RAP1GAP: variants seen among roughly 807,000 people sequenced by gnomAD.
RAP1GAP encodes rap1 GTPase-activating protein 1.
In RAP1GAP, 35 loss-of-function variants were observed where a neutral mutation model predicts 87.2. The observed-to-expected ratio is 0.40, with a 90% confidence interval of 0.31 to 0.53. The LOEUF is 0.53. Among genes scored for constraint, RAP1GAP ranks in the 20% least tolerant of loss-of-function variants. RAP1GAP has a pLI of 0.48. For missense variants in RAP1GAP, 734 were observed against 898.9 expected, an observed-to-expected ratio of 0.82 and a Z score of 2.35; for synonymous variants, 375 against 363.9, an observed-to-expected ratio of 1.03 and a Z score of -0.35.
chr1:21,611,885 G>A (rs748264261), intron 11 of RAP1GAP, 69 bp from the exon 12 acceptor site: 43 of 1,524,182 alleles, frequency 2.8e-5, no homozygotes, highest in Non-Finnish European at 3.8e-5. Flanking sequence ...TCCCTACTTG[G>A]ACCCAGAGAG....
rs766072420 is a variant in RAP1GAP at position 21,618,987 on chromosome 1, C to G, written c.66+38G>C. 4.5e-6 allele frequency: 7 copies of G among 1,567,246 alleles called. No homozygotes were observed. The East Asian group carries it at 1.4e-4, about 31-fold the overall frequency. ...GGCAGCACTTCCCGGACCCCCTCCACCCCCTAGAGAGGGAGGCAGACTGCC... is the reference window on the plus strand; with the variant it reads ...GGCAGCACTTCCCGGACCCCCTCCAGCCCCTAGAGAGGGAGGCAGACTGCC... On this transcript the variant is annotated intron_variant, in intron 5 of 24. Coordinates refer to ENST00000374765, the MANE Select transcript of RAP1GAP (RefSeq NM_002885.4).
chr1:21,629,997 T>C (rs1037662628), intron 2 of RAP1GAP, among the ~76,000 whole-genome samples: 2 of 152,160 alleles, frequency 1.3e-5, no homozygotes, highest in African/African-American at 4.8e-5. Flanking sequence ...GGAAAGGTAA[T>C]AGTAACAACA....
At position 21,602,883 on chromosome 1, in the gene RAP1GAP, T is replaced by C. The variant is rs532887545; in HGVS notation, c.1459A>G (p.Arg487Gly). 3 of 1,610,280 alleles carry C rather than the reference T, an allele frequency of 1.9e-6. No homozygotes were observed. Among genetic ancestry groups the C allele is most frequent in the African/African-American group, 1.3e-5 (1 of 75,038 alleles). The change falls in exon 19 of 25, where the codon AGG becomes GGG. Residue 487 changes from arginine (R) to glycine (G), a missense_variant. By Grantham distance (125) the Arg-to-Gly change is moderately radical. Coordinates refer to ENST00000374765, the MANE Select transcript of RAP1GAP (RefSeq NM_002885.4). ...GAGCCGAACGGGCCCGACTTCTTCC[T>C]CGTGGGGCTCTTCCCAGGGACAATC... ...SLIVPGKSPTRKKSGPFGSRR... is the reference protein window; with the variant it reads ...SLIVPGKSPTGKKSGPFGSRR...
In RAP1GAP at chr1:21,603,298, C is replaced by T. The variant is rs932297967; in HGVS notation, c.1429-385G>A. 3.6e-5 allele frequency: 14 copies of T among 385,020 alleles called. 1 individual carries two copies. The highest frequency in any genetic ancestry group is 3.1e-4 in the South Asian group (7 of 22,360). 23.9% of individuals were successfully genotyped at this position (385,020 alleles called of 1,614,324 possible). ...CAGTGTAGCAACCCAAGTCCCACCC[C>T]GTGCCAGCTAGGGCCCCTCCCCGGA... On this transcript the variant is annotated intron_variant, in intron 18 of 24. Transcript: ENST00000374765. This position sits in a 1 kb window ranked among gnomAD's most constrained non-coding sequence, Gnocchi z 6.0.
At chr1:21,657,119 G>A (rs1357988762) in intron 1 of RAP1GAP, among the ~76,000 whole-genome samples, 1 of 152,232 alleles carries the variant, frequency 6.6e-6, no homozygotes, top group Non-Finnish European at 1.5e-5. Context: ...ACCGTGCCAC[G>A]CACATGCAAA....
At chr1:21,626,863 C>T (rs2150307433) in intron 2 of RAP1GAP, 1 of 456,650 alleles carries the variant, frequency 2.2e-6, no homozygotes, top group Non-Finnish European at 4.4e-6. Flanking sequence ...TTGGGCCTAC[C>T]ACATGCCAGG....
intron 16 of RAP1GAP, 100 bp from the exon 17 acceptor site, chr1:21,608,450 C>T: frequency 6.8e-7 from 1 of 1,477,200 alleles, no homozygotes; most frequent in South Asian, 1.3e-5. Context: ...GCCACCTTCT[C>T]TGAATGAGTG....
intron 18 of RAP1GAP, among the ~76,000 whole-genome samples, chr1:21,604,896 G>GGTGGATGGATGGGTGGATGT (rs2072987399): frequency 6.8e-6 from 1 of 146,738 alleles, no homozygotes; most frequent in African/African-American, 2.5e-5. Context: ...TGGGTGGATG[G>GGTGGATGGATGGGTGGATGT]GTGGGTGGAT....
chr1:21,606,205 G>T lies in RAP1GAP; in HGVS notation c.1297-8C>A. 3 of 1,574,752 alleles carry T rather than the reference G, an allele frequency of 1.9e-6. No individual in the cohort carries two copies. Among genetic ancestry groups the T allele is most frequent in the Non-Finnish European group, 1.7e-6 (2 of 1,162,002 alleles). ...GCGGCTCCGGATGACCCGCTGTGAA[G>T]GGGGTGGCAGTGGAGGAGGCACAGG... On this transcript the variant is annotated splice_polypyrimidine_tract_variant and splice_region_variant and intron_variant, in intron 17 of 24. Coordinates refer to ENST00000374765, the MANE Select transcript of RAP1GAP (RefSeq NM_002885.4).
At chr1:21,626,007 C>T (rs771653657) in intron 3 of RAP1GAP, among the ~76,000 whole-genome samples, 2 of 152,256 alleles carry the variant, frequency 1.3e-5, no homozygotes, top group South Asian at 2.1e-4. Flanking sequence ...CTGATGGTGA[C>T]GTTGATTGTG....
At chr1:21,625,921 C>G (rs547977517) in intron 3 of RAP1GAP, among the ~76,000 whole-genome samples, 1 of 152,298 alleles carries the variant, frequency 6.6e-6, no homozygotes, top group Non-Finnish European at 1.5e-5. Flanking sequence ...GCCGCCCTGT[C>G]TGTACTTTGC....
Position 21,620,052 on chromosome 1 carries a change from T to C in RAP1GAP, c.-18-2A>G. 3.1e-6 allele frequency: 5 copies of C among 1,613,880 alleles called. No individual in the cohort carries two copies. Among genetic ancestry groups the C allele is most frequent in the Non-Finnish European group, 4.2e-6 (5 of 1,179,912 alleles). Reference sequence around the variant, plus strand: ...AATCATCTCAAATAGATCTGTGTTCTGCAACAGAGACAGGGGAGAGCGAGG... The same window carrying C: ...AATCATCTCAAATAGATCTGTGTTCCGCAACAGAGACAGGGGAGAGCGAGG... On this transcript the variant is annotated splice_acceptor_variant, in intron 3 of 24. Coordinates refer to ENST00000374765, the MANE Select transcript of RAP1GAP (RefSeq NM_002885.4). LOFTEE classifies it low-confidence loss of function (5UTR_SPLICE).
chr1:21,628,286 C>T (rs1415673876), intron 2 of RAP1GAP, among the ~76,000 whole-genome samples: 3 of 151,692 alleles, frequency 2.0e-5, no homozygotes, highest in African/African-American at 7.3e-5. Flanking sequence ...GGCGTGATGG[C>T]TCACACCTGT....
chr1:21,651,674 C>G lies in RAP1GAP; in HGVS notation c.-148-1878G>C, dbSNP rs1394948964. ...CTCAGCCCCCACAGCAGTCATAGCC[C>G]AGGCCCACCCGCCCAAACGCGAGCA... On this transcript the variant is annotated intron_variant, in intron 1 of 24. Transcript: ENST00000374765. 50 of 1,192,214 alleles carry G rather than the reference C, an allele frequency of 4.2e-5. 1 individual carries two copies. The highest frequency in any genetic ancestry group is 5.6e-5 in the Non-Finnish European group (47 of 833,688). 73.9% of individuals were successfully genotyped at this position (1,192,214 alleles called of 1,614,324 possible). A position where few individuals can be genotyped will look rare whatever the true frequency, so the allele number is the denominator to read the frequency against.
rs1272896687 is a variant in RAP1GAP, at chr1:21,596,328, G to A, written c.*971C>T. The A allele has an allele frequency of 6.6e-6, 1 of 152,264 alleles. No homozygotes were observed. Among genetic ancestry groups the A allele is most frequent in the African/African-American group, 2.4e-5 (1 of 41,468 alleles). The allele number at this position is 152,264 out of a possible 1,614,324, so 9.4% of individuals were successfully genotyped here. On this transcript the variant is annotated 3_prime_UTR_variant, in exon 25 of 25. Transcript: ENST00000374765. ...GGGCCAGGAGGCTGGCCTTTGGCGT[G>A]ACGCCTAAAAAGTGTGACCAGACAC...
chr1:21,618,732 A>G (rs1570775316), intron 5 of RAP1GAP, among the ~76,000 whole-genome samples: 1 of 152,190 alleles, frequency 6.6e-6, no homozygotes, highest in South Asian at 2.1e-4. Flanking sequence ...TGGGGTGGGG[A>G]CGCCTGGAGA....
At position 21,612,208 on chromosome 1, in the gene RAP1GAP, G is replaced by A. The variant is rs1220160292; in HGVS notation, c.529-99C>T. ...GCACTGAGCCAGGCGCTCTACACAC[G>A]TCACGTCATGTGATTCTCAGAACAA... On this transcript the variant is annotated intron_variant, in intron 10 of 24. Transcript: ENST00000374765. 5.5e-5 allele frequency: 48 copies of A among 873,770 alleles called. 1 individual carries two copies. The Admixed American group carries it at 8.9e-4, about 16-fold the overall frequency. The allele number at this position is 873,770 out of a possible 1,614,324, so 54.1% of individuals were successfully genotyped here.
At chr1:21,630,563 G>A (rs537936648) in intron 2 of RAP1GAP, among the ~76,000 whole-genome samples, 2 of 151,670 alleles carry the variant, frequency 1.3e-5, no homozygotes, top group African/African-American at 2.4e-5. Context: ...ACCTTTTGTT[G>A]TTGTTAAGAA....
rs141127873 is a variant in RAP1GAP at position 21,649,796 on chromosome 1, C to T, written c.-148G>A. 14,959 of 1,552,084 alleles carry T rather than the reference C, an allele frequency of 9.6e-3. 103 individuals carry two copies. Among genetic ancestry groups the T allele is most frequent in the Middle Eastern group, 0.012 (69 of 5,988 alleles). On this transcript the variant is annotated splice_region_variant and 5_prime_UTR_variant, in exon 2 of 25. Coordinates refer to ENST00000374765, the MANE Select transcript of RAP1GAP (RefSeq NM_002885.4). ...GGCGAGAAGTGAAGGACTTGTCCAC[C>T]CTGAAACACAACAAGAGGGGCCATA...
Sources: allele counts gnomAD v4.1 joint callset (sites outside exome capture counted in the v4.1 genomes callset), GRCh38; gene constraint gnomAD v4.1.1; non-coding constraint Gnocchi (gnomAD v3.1); transcripts MANE v1.5; gene names NCBI Gene and HGNC (gene_info 2026-07-23, HGNC 2026-07-21).